Variants in ABAT observed in about 807,000 individuals in gnomAD.
ABAT encodes the protein 4-aminobutyrate aminotransferase.
Under a neutral mutation model 64.6 loss-of-function variants are expected in ABAT, and 45 were observed. The ratio of observed to expected loss-of-function variants is 0.70; its 90% confidence interval spans 0.55 to 0.89. The LOEUF is 0.89. ABAT is among the 40% of genes least tolerant of loss of function. The probability of loss-of-function intolerance (pLI) is 0.00; values close to 1 mark genes in which losing one functional copy is unlikely to be tolerated. For missense variants in ABAT, 633 were observed against 658.4 expected (o/e 0.96, Z 0.42); for synonymous variants, 297 against 250.5 (o/e 1.19, Z -1.75).
intron 1 of ABAT, among the ~76,000 whole-genome samples, chr16:8,691,920 C>T (rs1036294707): frequency 6.6e-5 from 10 of 152,160 alleles, no homozygotes; most frequent in African/African-American, 2.4e-4. Context: ...GTTGCAAAAC[C>T]CTGAATAAAA....
intron 1 of ABAT, among the ~76,000 whole-genome samples, chr16:8,728,451 G>C (rs528200187): frequency 6.6e-6 from 1 of 152,184 alleles, no homozygotes; most frequent in African/African-American, 2.4e-5. Context: ...AGTGCTCCCT[G>C]TTTCAGACAA....
intron 6 of ABAT, among the ~76,000 whole-genome samples, chr16:8,759,432 A>G (rs868647683): frequency 6.6e-6 from 1 of 150,826 alleles, no homozygotes; most frequent in Non-Finnish European, 1.5e-5. Context: ...ACATGCCCCC[A>G]CCCAGTTATT....
chr16:8,760,997 T>C (rs926144705), intron 6 of ABAT, among the ~76,000 whole-genome samples: 2 of 152,166 alleles, frequency 1.3e-5, no homozygotes, highest in Non-Finnish European at 2.9e-5. Flanking sequence ...GAGGATCGCT[T>C]GAGCCCAGGA....
chr16:8,757,325 G>T (rs1018624943), intron 5 of ABAT: 1 of 361,702 alleles, frequency 2.8e-6, no homozygotes, highest in Non-Finnish European at 5.4e-6. Flanking sequence ...GTGCTACCTC[G>T]CCCGGCTAAT....
At chr16:8,730,368 G>A (rs2058682533) in intron 1 of ABAT, among the ~76,000 whole-genome samples, 1 of 152,108 alleles carries the variant, frequency 6.6e-6, no homozygotes, top group Non-Finnish European at 1.5e-5. Context: ...TATTAGCTCT[G>A]TGGGCAGCCA....
intron 1 of ABAT, among the ~76,000 whole-genome samples, chr16:8,711,726 A>ACTGGATGGATG (rs1489993719): frequency 2.1e-5 from 2 of 94,738 alleles, no homozygotes; most frequent in Non-Finnish European, 4.5e-5. Context: ...ATGGATGGGA[A>ACTGGATGGATG]GATGGATGGG....
Position 8,748,105 on chromosome 16 carries a change from C to T in ABAT, c.169-3C>T. 1 of 1,613,432 alleles carries T rather than the reference C, an allele frequency of 6.2e-7. No individual in the cohort carries two copies. Among genetic ancestry groups the T allele is most frequent in the Non-Finnish European group, 8.5e-7 (1 of 1,179,532 alleles). ...ATAATGCTTTTGTTGTTCTTGCCTG[C>T]AGGAGTTAATGAAACAGCTGAATAT... On this transcript the variant is annotated splice_polypyrimidine_tract_variant and splice_region_variant and intron_variant, in intron 3 of 15. Transcript: ENST00000268251.
At chr16:8,775,102 G>A (rs1404909846) in intron 13 of ABAT, 45 bp downstream of exon 13, 2 of 1,612,554 alleles carry the variant, frequency 1.2e-6, no homozygotes, top group Non-Finnish European at 1.7e-6. Flanking sequence ...GCAGAGAAGG[G>A]AGCATCCTCT....
intron 2 of ABAT, among the ~76,000 whole-genome samples, chr16:8,743,874 G>A (rs1157915127): frequency 6.6e-6 from 1 of 152,034 alleles, no homozygotes; most frequent in South Asian, 2.1e-4. Flanking sequence ...TACCAGGAAG[G>A]TGAAAGATCA....
chr16:8,738,634 T>TTTTTGTTTTTG (rs1362725790), intron 2 of ABAT, among the ~76,000 whole-genome samples: 1 of 148,420 alleles, frequency 6.7e-6, no homozygotes, highest in African/African-American at 2.5e-5. Context: ...TTTTGTTTTT[T>TTTTTGTTTTTG]TTTTGGTGTG....
In ABAT at chr16:8,764,670, C is replaced by T. The variant is rs2059891972; in HGVS notation, c.448-68C>T. On this transcript the variant is annotated intron_variant, in intron 7 of 15. Coordinates refer to ENST00000268251, the MANE Select transcript of ABAT (RefSeq NM_020686.6). This position sits in a 1 kb window ranked among gnomAD's most constrained non-coding sequence, Gnocchi z 4.2. Reference sequence around the variant, plus strand: ...TACGGCCCCTGCGAAGATTCAGCTCCAGCCAGGGGAAGCGGGAGGACAGGA... The same window carrying T: ...TACGGCCCCTGCGAAGATTCAGCTCTAGCCAGGGGAAGCGGGAGGACAGGA... The T allele has an allele frequency of 6.9e-7, 1 of 1,448,276 alleles. No individual in the cohort carries two copies. Among genetic ancestry groups the T allele is most frequent in the East Asian group, 2.3e-5 (1 of 44,016 alleles). 89.7% of individuals were successfully genotyped at this position (1,448,276 alleles called of 1,614,324 possible). A position where few individuals can be genotyped will look rare whatever the true frequency, so the allele number is the denominator to read the frequency against.
chr16:8,773,147 CAT>C lies in ABAT; in HGVS notation c.954+241_954+242del, dbSNP rs1555493032. 1.7e-3 allele frequency among the ~76,000 whole-genome samples: 172 copies of C among 98,440 alleles called. 8 individuals carry two copies. The highest frequency in any genetic ancestry group is 4.6e-3 in the South Asian group (15 of 3,276). 64.6% of individuals were successfully genotyped at this position (98,440 alleles called of 152,430 possible). On this transcript the variant is annotated intron_variant, in intron 12 of 15. Transcript: ENST00000268251. ...ACACACACACACACACACACACACACATATATATATATTTTTTTTTTTGAGAC... is the reference window on the plus strand; with the variant it reads ...ACACACACACACACACACACACACACATATATATATTTTTTTTTTTGAGAC...
At chr16:8,773,700 T>A (rs55854925) in intron 12 of ABAT, among the ~76,000 whole-genome samples, 21,845 of 152,150 alleles carry the variant, frequency 0.14, 1,652 homozygotes, top group East Asian at 0.24. Flanking sequence ...CCCCTATTTA[T>A]CTCCACCTCC....
intron 1 of ABAT, among the ~76,000 whole-genome samples, chr16:8,677,746 G>C (rs573309669): frequency 6.6e-6 from 1 of 152,080 alleles, no homozygotes. Context: ...CTTTTCCTTC[G>C]CTATTGAGAA....
At chr16:8,675,015 G>C (rs1406344912) in intron 1 of ABAT, among the ~76,000 whole-genome samples, 3 of 152,148 alleles carry the variant, frequency 2.0e-5, no homozygotes, top group Non-Finnish European at 4.4e-5. Context: ...CAGGTCTCTA[G>C]AGCCCCCTCA....
rs1004672167 is a variant in ABAT at position 8,775,023 on chromosome 16, G to C, written c.1088G>C (p.Gly363Ala). 6.2e-7 allele frequency: 1 copy of C among 1,614,206 alleles called. No individual in the cohort carries two copies. Among genetic ancestry groups the C allele is most frequent in the Non-Finnish European group, 8.5e-7 (1 of 1,180,034 alleles). ...MTFSKKMMTG[G>A]FFHKEEFRPN... ...TTCAGCAAGAAGATGATGACTGGGG[G>C]CTTCTTCCACAAGGAGGAGTTCAGG... The change falls in exon 13 of 16, where the codon GGC becomes GCC. Residue 363 changes from glycine (G) to alanine (A), a missense_variant. Physicochemically the swap from Gly to Ala is moderately conservative, Grantham distance 60. Coordinates refer to ENST00000268251, the MANE Select transcript of ABAT (RefSeq NM_020686.6).
intron 1 of ABAT, among the ~76,000 whole-genome samples, chr16:8,708,238 G>T (rs1204852662): frequency 6.6e-6 from 1 of 152,134 alleles, no homozygotes; most frequent in African/African-American, 2.4e-5. Context: ...AAGAAGTTCA[G>T]AGTTAGTTGC....
Position 8,757,415 on chromosome 16 carries a change from G to T in ABAT, c.317-342G>T, listed in dbSNP as rs536184631. 4.1e-5 allele frequency: 15 copies of T among 362,224 alleles called. 1 individual carries two copies. The highest frequency in any genetic ancestry group is 3.3e-4 in the South Asian group (15 of 45,596). 22.4% of individuals were successfully genotyped at this position (362,224 alleles called of 1,614,324 possible). Reference sequence around the variant, plus strand: ...ACTCCTGACCTCAAGTGATCCACCCGCCTTGGCCTCCCGAAGTGCTGGGAT... The same window carrying T: ...ACTCCTGACCTCAAGTGATCCACCCTCCTTGGCCTCCCGAAGTGCTGGGAT... On this transcript the variant is annotated intron_variant, in intron 5 of 15. Coordinates refer to ENST00000268251, the MANE Select transcript of ABAT (RefSeq NM_020686.6).
At chr16:8,725,227 A>G (rs1403842182) in intron 1 of ABAT, among the ~76,000 whole-genome samples, 1 of 152,138 alleles carries the variant, frequency 6.6e-6, no homozygotes, top group African/African-American at 2.4e-5. Context: ...TTTCATTTTT[A>G]TTAAGATAAA....
Sources: gnomAD v4.1 joint callset for allele counts (sites outside exome capture counted in the v4.1 genomes callset) on GRCh38, gnomAD v4.1.1 for gene constraint, Gnocchi (gnomAD v3.1) non-coding constraint, MANE v1.5 for transcripts, NCBI Gene and HGNC (gene_info 2026-07-23, HGNC 2026-07-21) for gene names.